The following KPNB1 variants were observed in gnomAD, a reference collection of about 807,000 sequenced individuals.
KPNB1 encodes the protein karyopherin subunit beta 1.
Under a neutral mutation model 113.0 loss-of-function variants are expected in KPNB1, and 7 were observed. That is an observed-to-expected ratio of 0.06 (90% confidence interval 0.04 to 0.12). The LOEUF (loss-of-function observed/expected upper bound fraction) is 0.12. KPNB1 is among the 10% of genes least tolerant of loss of function. The pLI, the probability that KPNB1 is intolerant of heterozygous loss-of-function variation, is 1.00. For synonymous variants in KPNB1, 363 were observed against 378.6 expected (o/e 0.96, Z 0.48); for missense variants, 400 against 1,054.8 (o/e 0.38, Z 8.60).
chr17:47,669,090 T>G (rs908675021), intron 10 of KPNB1, among the ~76,000 whole-genome samples: 4 of 125,948 alleles, frequency 3.2e-5, no homozygotes, highest in Non-Finnish European at 7.3e-5. Context: ...TCTGAGTAAT[T>G]CTTTTTTTTT....
intron 17 of KPNB1, among the ~76,000 whole-genome samples, chr17:47,677,387 G>A (rs1186649978): frequency 2.0e-5 from 3 of 150,026 alleles, no homozygotes; most frequent in East Asian, 2.0e-4. Flanking sequence ...CAGGATAATC[G>A]CTTGTACCCG....
Position 47,668,234 on chromosome 17 carries a change from G to A in KPNB1, c.1048G>A (p.Val350Met). 6.2e-7 allele frequency: 1 copy of A among 1,614,182 alleles called. No homozygotes were observed. Among genetic ancestry groups the A allele is most frequent in the Non-Finnish European group, 8.5e-7 (1 of 1,180,028 alleles). The change falls in exon 10 of 22, where the codon GTG becomes ATG. Residue 350 changes from valine to methionine, a missense_variant. By Grantham distance (21) the Val-to-Met change is conservative. Transcript: ENST00000290158. ...CTGGAACCCCTGCAAAGCAGCAGGG[G>A]TGTGCCTCATGCTTCTGGCCACCTG... ...DDWNPCKAAG[V>M]CLMLLATCCE...
chr17:47,661,982 C>A (rs1233738877), intron 6 of KPNB1, among the ~76,000 whole-genome samples: 1 of 152,122 alleles, frequency 6.6e-6, no homozygotes, highest in African/African-American at 2.4e-5. Flanking sequence ...TCCCCTGTAG[C>A]CATTAAAGCA....
At chr17:47,673,365 A>G in intron 13 of KPNB1, 125 bp from the exon 14 acceptor site, 1 of 908,754 alleles carries the variant, frequency 1.1e-6, no homozygotes. Context: ...GTTACACTAT[A>G]TGTATTATGG....
chr17:47,665,201 T>G lies in KPNB1; in HGVS notation c.999+43T>G, dbSNP rs897965811. 3 of 1,459,380 alleles carry G rather than the reference T, an allele frequency of 2.1e-6. No individual in the cohort carries two copies. In the African/African-American group the frequency reaches 4.2e-5, roughly 20 times the overall value. 90.4% of individuals were successfully genotyped at this position (1,459,380 alleles called of 1,614,324 possible). On this transcript the variant is annotated intron_variant, in intron 9 of 21. Coordinates refer to ENST00000290158, the MANE Select transcript of KPNB1 (RefSeq NM_002265.6). The stretch of plus-strand genomic sequence containing the variant: ...TATAGGTAGGTAAGCTGTGGAACCT[T>G]ACTAAGAGTAAACTGTGGAAACTTT...
chr17:47,680,746 C>A (rs1272609245), intron 21 of KPNB1, 77 bp downstream of exon 21: 2 of 1,398,046 alleles, frequency 1.4e-6, no homozygotes, highest in Non-Finnish European at 2.0e-6. Flanking sequence ...GCCATTCTGG[C>A]AAGCACTGCC....
intron 17 of KPNB1, 103 bp downstream of exon 17, chr17:47,677,230 C>G: frequency 2.1e-6 from 2 of 942,082 alleles, no homozygotes; most frequent in Non-Finnish European, 3.3e-6. Context: ...GGCCTGTAAT[C>G]CCAGCATTTT....
intron 15 of KPNB1, among the ~76,000 whole-genome samples, chr17:47,675,361 GTTT>G (rs1166648701): frequency 1.1e-5 from 1 of 88,694 alleles, no homozygotes; most frequent in African/African-American, 4.6e-5. Context: ...CAGAGGTGTT[GTTT>G]TTTTTTTGTT....
chr17:47,653,259 AC>A (rs1295293535), intron 3 of KPNB1, among the ~76,000 whole-genome samples: 1 of 148,506 alleles, frequency 6.7e-6, no homozygotes, highest in Non-Finnish European at 1.5e-5. Flanking sequence ...CTTCTGGAGT[AC>A]AGCTCAGGGA....
chr17:47,681,055 T>TGTG (rs1567896335), intron 21 of KPNB1, among the ~76,000 whole-genome samples: 163 of 147,220 alleles, frequency 1.1e-3, no homozygotes, highest in African/African-American at 1.9e-3. Context: ...AAATGTTTTT[T>TGTG]TGTGTGTGTG....
chr17:47,661,174 C>A lies in KPNB1; in HGVS notation c.692C>A (p.Thr231Lys). Reference protein sequence around the residue: ...VVCEATQCPDTRVRVAALQNL... With the variant: ...VVCEATQCPDKRVRVAALQNL... ...TGTGAAGCCACACAGTGTCCAGATA[C>A]GAGGGTAAGTGTGAGGTTATATGAA... Residue 231 changes from threonine (T) to lysine (K), a missense_variant, in exon 6 of 22, where the codon ACG (threonine) becomes AAG (lysine). Transcript: ENST00000290158. 6.2e-7 allele frequency: 1 copy of A among 1,610,882 alleles called. No homozygotes were observed. Among genetic ancestry groups the A allele is most frequent in the South Asian group, 1.1e-5 (1 of 91,012 alleles).
chr17:47,678,460 T>C lies in KPNB1; in HGVS notation c.2353+47T>C, dbSNP rs761996486. 14 of 1,304,626 alleles carry C rather than the reference T, an allele frequency of 1.1e-5. No individual in the cohort carries two copies. In the East Asian group the frequency reaches 3.0e-4, roughly 28 times the overall value. The allele number at this position is 1,304,626 out of a possible 1,614,324, so 80.8% of individuals were successfully genotyped here. On this transcript the variant is annotated intron_variant, in intron 19 of 21. Transcript: ENST00000290158. Reference sequence around the variant, plus strand: ...CCTTCGTCCGCTCGCCAATGTGCACTTAGCCAAGTGGGCTATGTCTGTCAT... The same window carrying C: ...CCTTCGTCCGCTCGCCAATGTGCACCTAGCCAAGTGGGCTATGTCTGTCAT...
chr17:47,658,219 G>A (rs1229501745), intron 4 of KPNB1, among the ~76,000 whole-genome samples: 2 of 152,124 alleles, frequency 1.3e-5, no homozygotes, highest in African/African-American at 4.8e-5. Flanking sequence ...AAATGGTGTA[G>A]TATTTGCATA....
Position 47,650,216 on chromosome 17 carries a change from G to T in KPNB1, c.-29G>T. On this transcript the variant is annotated 5_prime_UTR_variant, in exon 1 of 22. Coordinates refer to ENST00000290158, the MANE Select transcript of KPNB1 (RefSeq NM_002265.6). ...CCGAAAGGCCGGGCCGTCGTCTTAG[G>T]AGGAGTCGCCGCCGCCGCCACCTCC... 1 of 1,574,512 alleles carries T rather than the reference G, an allele frequency of 6.4e-7. No individual in the cohort carries two copies. The highest frequency in any genetic ancestry group is 1.1e-5 in the South Asian group (1 of 87,378).
rs113583287 is a variant in KPNB1, at chr17:47,657,151, G to A, written c.483+91G>A. 2.0e-5 allele frequency: 22 copies of A among 1,094,660 alleles called. No individual in the cohort carries two copies. In the East Asian group the frequency reaches 3.1e-4, roughly 15 times the overall value. 67.8% of individuals were successfully genotyped at this position (1,094,660 alleles called of 1,614,324 possible). ...TATTAGTACTACCTTATTGAATCACGAAGAAAGCCAAGCTAAATTGCACAG... is the reference window on the plus strand; with the variant it reads ...TATTAGTACTACCTTATTGAATCACAAAGAAAGCCAAGCTAAATTGCACAG... On this transcript the variant is annotated intron_variant, in intron 4 of 21. Coordinates refer to ENST00000290158, the MANE Select transcript of KPNB1 (RefSeq NM_002265.6).
At chr17:47,656,555 T>TTC (rs1239244461) in intron 3 of KPNB1, among the ~76,000 whole-genome samples, 1 of 151,806 alleles carries the variant, frequency 6.6e-6, no homozygotes, top group African/African-American at 2.4e-5. Flanking sequence ...TTTTTTTTTT[T>TTC]TGAGCCTGGG....
rs1915685750 is a variant in KPNB1, at chr17:47,655,240, C to T, written c.283-1620C>T. ...ATTAGCTGATCACGGTAATAATTAG[C>T]TCTAGGTCAATTGTGGCTTCATCTT... is the stretch of plus-strand genomic sequence containing the variant. On this transcript the variant is annotated intron_variant, in intron 3 of 21. Transcript: ENST00000290158. 2.0e-5 allele frequency among the ~76,000 whole-genome samples: 3 copies of T among 152,326 alleles called. No homozygotes were observed. The South Asian group carries it at 6.2e-4, about 32-fold the overall frequency.
intron 9 of KPNB1, among the ~76,000 whole-genome samples, chr17:47,667,917 C>T (rs977411162): frequency 1.3e-5 from 2 of 152,062 alleles, no homozygotes; most frequent in East Asian, 1.9e-4. Context: ...GTATTTTGTT[C>T]TAAATGTTTG....
At chr17:47,669,968 C>A (rs961438647) in intron 11 of KPNB1, 99 bp downstream of exon 11, 1 of 876,514 alleles carries the variant, frequency 1.1e-6, no homozygotes, top group Middle Eastern at 3.5e-4. Flanking sequence ...CACTGGAATG[C>A]TTTTTCTGAT....
Sources: allele counts gnomAD v4.1 joint callset (sites outside exome capture counted in the v4.1 genomes callset), GRCh38; gene constraint gnomAD v4.1.1; transcripts MANE v1.5; gene names NCBI Gene and HGNC (gene_info 2026-07-23, HGNC 2026-07-21).